The following DEFB110 variants were observed in gnomAD, a reference collection of about 807,000 sequenced individuals.
DEFB110 encodes the protein beta-defensin 110.
DEFB110 carries 4 observed loss-of-function variants against 2.5 expected under a neutral mutation model. The observed-to-expected ratio is 1.60, with a 90% CI of 0.79 to 3.66. DEFB110 has a LOEUF of 3.66. DEFB110 is among the 30% of genes most tolerant of loss of function. The pLI, the probability that DEFB110 is intolerant of heterozygous loss-of-function variation, is 0.01. For synonymous variants in DEFB110, 29 were observed against 21.8 expected, an observed-to-expected ratio of 1.33 and a Z score of -0.92; for missense variants, 94 against 75.4, an observed-to-expected ratio of 1.25 and a Z score of -0.91.
chr6:50,021,748 A>G (rs1230604850), intron 1 of DEFB110, 133 bp downstream of exon 1: 6 of 869,320 alleles, frequency 6.9e-6, no homozygotes, highest in South Asian at 3.9e-5. Flanking sequence ...CTGGAGTCCA[A>G]TCTAAAATAC....
At chr6:50,011,711 G>T (rs1312563013) in intron 1 of DEFB110, among the ~76,000 whole-genome samples, 3 of 151,938 alleles carry the variant, frequency 2.0e-5, no homozygotes, top group African/African-American at 4.8e-5. Context: ...CATCTCTGAG[G>T]GTGACTGCTT....
At chr6:50,009,934 T>C (rs1450505142) in intron 1 of DEFB110, among the ~76,000 whole-genome samples, 2 of 152,206 alleles carry the variant, frequency 1.3e-5, no homozygotes, top group East Asian at 3.9e-4. Context: ...AAATCACAGT[T>C]TTATATTCAT....
chr6:50,020,753 A>G (rs1360302103), intron 1 of DEFB110, among the ~76,000 whole-genome samples: 1 of 152,222 alleles, frequency 6.6e-6, no homozygotes, highest in East Asian at 1.9e-4. Context: ...AATTCAGAGT[A>G]TGAAGCAACT....
At chr6:50,019,196 T>A in intron 1 of DEFB110, 71 bp from the exon 2 acceptor site, 1 of 1,499,158 alleles carries the variant, frequency 6.7e-7, no homozygotes, top group Non-Finnish European at 9.0e-7. Flanking sequence ...AAGGAGAAAG[T>A]CCATGAAGCA....
intron 1 of DEFB110, among the ~76,000 whole-genome samples, chr6:50,010,583 A>G (rs1774211281): frequency 6.6e-6 from 1 of 150,586 alleles, no homozygotes; most frequent in African/African-American, 2.4e-5. Flanking sequence ...ATGACATGTA[A>G]ATATATATAT....
chr6:50,010,328 A>G (rs1281670354), intron 1 of DEFB110, among the ~76,000 whole-genome samples: 1 of 151,914 alleles, frequency 6.6e-6, no homozygotes, highest in East Asian at 1.9e-4. Flanking sequence ...TCGAATTGGA[A>G]TTTAGAAAAA....
At chr6:50,009,171 G>A (rs771179176) in exon 2 of DEFB110, 47 of 1,610,252 alleles carry the variant, frequency 2.9e-5, no homozygotes, top group Non-Finnish European at 4.0e-5. Context: ...ATTTAATGCA[G>A]TATCCATAAT....
downstream of DEFB110, among the ~76,000 whole-genome samples, chr6:50,015,586 C>T (rs1010230294): frequency 6.6e-5 from 10 of 151,732 alleles, no homozygotes; most frequent in African/African-American, 2.4e-4. Context: ...TTACTATAGC[C>T]CAGGATTGTG....
In DEFB110 at chr6:50,018,975, C is replaced by T. The variant is rs144223291; in HGVS notation, c.*2G>A. On this transcript the variant is annotated 3_prime_UTR_variant, in exon 2 of 2. Transcript: ENST00000371148. ...GCTTGTGACTCTTTTCTTCTGTCAT[C>T]GTTACTGCTGCAAGCAGCAATGAGT... The T allele has an allele frequency of 2.7e-5, 44 of 1,607,612 alleles. No homozygotes were observed. In the African/African-American group the frequency reaches 3.2e-4, roughly 12 times the overall value.
At chr6:50,021,854 A>G (rs1698585614) in intron 1 of DEFB110, 27 bp downstream of exon 1, 2 of 1,549,118 alleles carry the variant, frequency 1.3e-6, no homozygotes, top group African/African-American at 1.4e-5. Context: ...TTGTTAGTAT[A>G]AATCCCCACA....
In DEFB110 at chr6:50,009,244, C is replaced by CTA; in HGVS notation, c.81_82dup (p.Arg28IlefsTer9). 4.4e-6 allele frequency: 7 copies of CTA among 1,605,156 alleles called. No individual in the cohort carries two copies. Among genetic ancestry groups the CTA allele is most frequent in the Non-Finnish European group, 5.9e-6 (7 of 1,178,228 alleles). On this transcript the variant is annotated frameshift_variant, in exon 2 of 2. Transcript: ENST00000393660. LOFTEE classifies it high-confidence loss of function. Reference sequence around the variant, plus strand: ...TCTCACTTTTTCGCATCTTTCAAATCTATACTTTGGTTCAAAATTGCTTCT... The same window carrying CTA: ...TCTCACTTTTTCGCATCTTTCAAATCTATATACTTTGGTTCAAAATTGCTTCT...
At chr6:50,017,072 G>A (rs967005181), downstream of DEFB110, among the ~76,000 whole-genome samples, 8 of 151,714 alleles carry the variant, frequency 5.3e-5, no homozygotes, top group African/African-American at 1.7e-4. Context: ...TCTTGATGGA[G>A]AGAGGGCTCA....
At chr6:50,014,375 A>C (rs564037283), downstream of DEFB110, among the ~76,000 whole-genome samples, 1 of 151,890 alleles carries the variant, frequency 6.6e-6, no homozygotes, top group South Asian at 2.1e-4. Flanking sequence ...AGAAGAGAAT[A>C]AGGCAGATTA....
chr6:50,018,232 C>G (rs552142848), downstream of DEFB110, among the ~76,000 whole-genome samples: 1 of 151,856 alleles, frequency 6.6e-6, no homozygotes, highest in East Asian at 1.9e-4. Context: ...TGTCATGGAT[C>G]TCCTCAGACA....
At chr6:50,017,281 TC>T (rs1232974225), downstream of DEFB110, among the ~76,000 whole-genome samples, 1 of 151,882 alleles carries the variant, frequency 6.6e-6, no homozygotes, top group Non-Finnish European at 1.5e-5. Flanking sequence ...TAACTATTTC[TC>T]ATAAAACACA....
At chr6:50,015,882 T>C (rs1774307071), downstream of DEFB110, among the ~76,000 whole-genome samples, 1 of 151,838 alleles carries the variant, frequency 6.6e-6, no homozygotes, top group South Asian at 2.1e-4. Context: ...TATTACAAAT[T>C]GACATTGATC....
exon 2 of DEFB110, chr6:50,009,164 T>G (rs1186919389): frequency 6.2e-7 from 1 of 1,610,364 alleles, no homozygotes; most frequent in Non-Finnish European, 8.5e-7. Flanking sequence ...CTTCTCCATT[T>G]AATGCAGTAT....
Position 50,019,047 on chromosome 6 carries a change from T to C in DEFB110, c.134A>G (p.Gln45Arg). 1 of 1,613,268 alleles carries C rather than the reference T, an allele frequency of 6.2e-7. No homozygotes were observed. Among genetic ancestry groups the C allele is most frequent in the Non-Finnish European group, 8.5e-7 (1 of 1,179,442 alleles). ...AATCCTAATTTCATTTTCATGACAC[T>C]GATTTTTACATTGACCATTACCTAT... is the stretch of plus-strand genomic sequence containing the variant. ...CRIGNGQCKN[Q>R]CHENEIRIAY... The change falls in exon 2 of 2, where the codon CAG (glutamine) becomes CGG (arginine). Residue 45 changes from glutamine (Q) to arginine (R), a missense_variant. Coordinates refer to ENST00000371148, the MANE Select transcript of DEFB110 (RefSeq NM_001037497.2).
At chr6:50,011,124 A>G (rs141910154) in intron 1 of DEFB110, among the ~76,000 whole-genome samples, 5 of 151,794 alleles carry the variant, frequency 3.3e-5, no homozygotes, top group Admixed American at 3.3e-4. Context: ...AATGAAAATA[A>G]CATCCCTTTG....
Sources: gnomAD v4.1 joint callset for allele counts (sites outside exome capture counted in the v4.1 genomes callset) on GRCh38, gnomAD v4.1.1 for gene constraint, MANE v1.5 for transcripts, NCBI Gene and HGNC (gene_info 2026-07-23, HGNC 2026-07-21) for gene names.